KDM4C: variants seen among roughly 807,000 people sequenced by gnomAD.
The protein encoded by KDM4C is lysine-specific demethylase 4C.
A neutral mutation model predicts 129.3 loss-of-function variants in KDM4C; 81 were observed. The ratio of observed to expected loss-of-function variants is 0.63; its 90% CI spans 0.52 to 0.75. The LOEUF (loss-of-function observed/expected upper bound fraction) is 0.75. Ranked by LOEUF, KDM4C falls within the 30% of genes least tolerant of loss-of-function variation. The pLI is 0.00. For synonymous variants in KDM4C, 573 were observed against 456.1 expected, an observed-to-expected ratio of 1.26 and a Z score of -3.26; for missense variants, 1,457 against 1,304.0, an observed-to-expected ratio of 1.12 and a Z score of -1.81.
chr9:6,776,105 A>T (rs1476024363), intron 1 of KDM4C, among the ~76,000 whole-genome samples: 2 of 152,160 alleles, frequency 1.3e-5, no homozygotes, highest in South Asian at 2.1e-4. Flanking sequence ...ATTTTTAGAG[A>T]TGGAGGCCTC....
chr9:7,028,890 G>A (rs769282395), intron 15 of KDM4C, among the ~76,000 whole-genome samples: 1 of 151,900 alleles, frequency 6.6e-6, no homozygotes, highest in Non-Finnish European at 1.5e-5. Context: ...GCTCTCCTGT[G>A]CCATGTGACC....
intron 18 of KDM4C, among the ~76,000 whole-genome samples, chr9:7,123,890 TG>T (rs1340467474): frequency 6.6e-6 from 1 of 152,174 alleles, no homozygotes; most frequent in East Asian, 1.9e-4. Flanking sequence ...GACTGATCCT[TG>T]TCAGTGAGAA....
At chr9:7,172,760 C>G (rs1587990588) in intron 21 of KDM4C, among the ~76,000 whole-genome samples, 1 of 152,242 alleles carries the variant, frequency 6.6e-6, no homozygotes, top group South Asian at 2.1e-4. Context: ...TCTTGTTTTT[C>G]TCTTCTTTAC....
At chr9:7,065,009 G>C (rs1832227576) in intron 17 of KDM4C, among the ~76,000 whole-genome samples, 2 of 152,312 alleles carry the variant, frequency 1.3e-5, no homozygotes, top group Middle Eastern at 6.8e-3. Context: ...CACAAGACCA[G>C]AAGGAAGTCC....
rs145591538 is a variant in KDM4C at position 6,849,644 on chromosome 9, C to A, written c.573C>A (p.Thr191=). 6.2e-7 allele frequency: 1 copy of A among 1,613,322 alleles called. No individual in the cohort carries two copies. The highest frequency in any genetic ancestry group is 1.7e-5 in the Admixed American group (1 of 60,006). The change falls in exon 5 of 22, where the codon ACC becomes ACA. Residue 191 remains threonine (T), a synonymous_variant. Coordinates refer to ENST00000381309, the MANE Select transcript of KDM4C (RefSeq NM_015061.6). The part of the protein sequence containing the change: ...GMWKTTFAWH[T]EDMDLYSINY... ...GGAAGACCACGTTTGCATGGCACAC[C>A]GAAGACATGGACCTCTATAGCATTA...
chr9:7,166,411 A>T (rs1192120011), intron 20 of KDM4C, among the ~76,000 whole-genome samples: 1 of 151,098 alleles, frequency 6.6e-6, no homozygotes, highest in Non-Finnish European at 1.5e-5. Flanking sequence ...CCTAAGGGGA[A>T]TGGATAGGGG....
Position 6,925,003 on chromosome 9 carries a change from A to G in KDM4C, c.921+31771A>G, listed in dbSNP as rs771192595. 3.9e-4 allele frequency: 386 copies of G among 985,276 alleles called. 2 individuals are homozygous for G. Among genetic ancestry groups the G allele is most frequent in the Admixed American group, 1.2e-4 (2 of 16,262 alleles). The allele number at this position is 985,276 out of a possible 1,614,324, so 61.0% of individuals were successfully genotyped here. A position where few individuals can be genotyped will look rare whatever the true frequency, so the allele number is the denominator to read the frequency against. On this transcript the variant is annotated intron_variant, in intron 8 of 21. Transcript: ENST00000381309. The stretch of plus-strand genomic sequence containing the variant: ...TTGATGTTTTGTATTAGTGAATCTT[A>G]GGCTTCCTACTTCTGAAGTTCTGAA...
chr9:6,862,657 A>G (rs1215966649), intron 5 of KDM4C, among the ~76,000 whole-genome samples: 12 of 152,082 alleles, frequency 7.9e-5, no homozygotes, highest in Non-Finnish European at 1.5e-5. Context: ...ACAAAAACAC[A>G]TTAGCCAGGT....
rs753816163 is a variant in KDM4C, at chr9:6,986,386, C to T, written c.1397C>T (p.Thr466Ile). The change falls in exon 11 of 22, where the codon ACT becomes ATT. Residue 466 changes from threonine (T) to isoleucine (I), a missense_variant. Thr to Ile is a moderately conservative substitution (Grantham distance 89, BLOSUM62 -1). Transcript: ENST00000381309. ...LSTSVTEDIK[T>I]EDDKAYAYRS... ...ACATCTGTAACAGAAGACATAAAAA[C>T]TGAGGATGACAAAGCTTATGCATAT... 6.2e-7 allele frequency: 1 copy of T among 1,613,434 alleles called. No individual in the cohort carries two copies.
At chr9:7,092,253 G>C (rs1485393857) in intron 17 of KDM4C, among the ~76,000 whole-genome samples, 2 of 152,114 alleles carry the variant, frequency 1.3e-5, no homozygotes, top group African/African-American at 4.8e-5. Flanking sequence ...TACAGCTGTG[G>C]AACCTGAGGC....
At chr9:6,924,308 C>T (rs1396074700) in intron 8 of KDM4C, among the ~76,000 whole-genome samples, 1 of 152,134 alleles carries the variant, frequency 6.6e-6, no homozygotes, top group East Asian at 1.9e-4. Context: ...CCTCCAAGTC[C>T]ACTTTGCCCT....
chr9:7,135,572 G>T (rs966438520), intron 19 of KDM4C, among the ~76,000 whole-genome samples: 3 of 151,792 alleles, frequency 2.0e-5, no homozygotes, highest in Admixed American at 2.0e-4. Context: ...CTCCATGTTT[G>T]GGAGTATCCA....
chr9:7,040,872 AT>A (rs1400384164), intron 15 of KDM4C, among the ~76,000 whole-genome samples: 1 of 150,838 alleles, frequency 6.6e-6, no homozygotes, highest in Non-Finnish European at 1.5e-5. Flanking sequence ...TTTTATTTAT[AT>A]TTATCTGTTT....
At chr9:6,897,958 G>C (rs1207641543) in intron 8 of KDM4C, among the ~76,000 whole-genome samples, 1 of 152,122 alleles carries the variant, frequency 6.6e-6, no homozygotes, top group African/African-American at 2.4e-5. Flanking sequence ...TCCTTCTGTG[G>C]TGGAATGAAG....
At chr9:7,057,824 A>G (rs192433346) in intron 17 of KDM4C, among the ~76,000 whole-genome samples, 68 of 152,354 alleles carry the variant, frequency 4.5e-4, no homozygotes, top group African/African-American at 1.6e-3. Context: ...CCCTGCAGTT[A>G]TTGCTGAAAA....
At chr9:6,741,962 G>T (rs1331615295) in intron 1 of KDM4C, among the ~76,000 whole-genome samples, 1 of 150,524 alleles carries the variant, frequency 6.6e-6, no homozygotes, top group African/African-American at 2.4e-5. Context: ...ATAATAAAAT[G>T]TTTTTATTTA....
At chr9:7,137,519 G>C (rs914801239) in intron 19 of KDM4C, among the ~76,000 whole-genome samples, 2 of 152,054 alleles carry the variant, frequency 1.3e-5, no homozygotes, top group Non-Finnish European at 2.9e-5. Flanking sequence ...CTTTTAAATC[G>C]TTTCTTGCTG....
intron 5 of KDM4C, among the ~76,000 whole-genome samples, chr9:6,863,991 C>G (rs1358228527): frequency 1.3e-5 from 2 of 152,088 alleles, no homozygotes; most frequent in Admixed American, 6.6e-5. Context: ...CAGCTTTCAA[C>G]GTGAGGTTTA....
intron 8 of KDM4C, among the ~76,000 whole-genome samples, chr9:6,908,026 A>G (rs911312587): frequency 6.6e-6 from 1 of 152,086 alleles, no homozygotes; most frequent in African/African-American, 2.4e-5. Context: ...TAAGGAATGG[A>G]TTTTCCTTAT....
Sources: gnomAD v4.1 joint callset for allele counts (sites outside exome capture counted in the v4.1 genomes callset) on GRCh38, gnomAD v4.1.1 for gene constraint, MANE v1.5 for transcripts, NCBI Gene and HGNC (gene_info 2026-07-23, HGNC 2026-07-21) for gene names.